PRTFDC1: variants seen among roughly 807,000 people sequenced by gnomAD.
The protein encoded by PRTFDC1 is phosphoribosyltransferase domain-containing protein 1.
PRTFDC1 carries 38 observed loss-of-function variants against 34.6 expected under a neutral mutation model. The observed-to-expected ratio is 1.10, with a 90% CI of 0.85 to 1.44. The LOEUF is 1.44. Among genes scored for constraint, PRTFDC1 ranks in the 40% most tolerant of loss-of-function variants. The pLI is 0.00. For missense variants in PRTFDC1, 270 were observed against 283.0 expected (o/e 0.95, Z 0.33); for synonymous variants, 93 against 98.1 (o/e 0.95, Z 0.31).
chr10:24,915,206 T>C lies in PRTFDC1; in HGVS notation c.339+21978A>G, dbSNP rs1848678295. On this transcript the variant is annotated intron_variant, in intron 3 of 8. Coordinates refer to ENST00000320152, the MANE Select transcript of PRTFDC1 (RefSeq NM_020200.7). ...TGGTATCAAAAATTAGCATGTGATATTGGAATTTGCACCAGATGCGTCTTT... is the reference window on the plus strand; with the variant it reads ...TGGTATCAAAAATTAGCATGTGATACTGGAATTTGCACCAGATGCGTCTTT... Among the ~76,000 whole-genome samples the C allele has an allele frequency of 2.6e-5, 4 of 152,322 alleles. No homozygotes were observed. In the South Asian group the frequency reaches 8.3e-4, roughly 32 times the overall value.
At chr10:24,858,047 G>C (rs1847613966) in intron 5 of PRTFDC1, among the ~76,000 whole-genome samples, 1 of 152,182 alleles carries the variant, frequency 6.6e-6, no homozygotes. Flanking sequence ...AGGGTAAACA[G>C]AGTTCTAACC....
intron 1 of PRTFDC1, chr10:24,951,619 T>C (rs1161039331): frequency 1.9e-5 from 19 of 985,274 alleles, no homozygotes; most frequent in Non-Finnish European, 2.3e-5. Flanking sequence ...TGGAAAGAGA[T>C]GGCAAGTTAG....
intron 3 of PRTFDC1, among the ~76,000 whole-genome samples, chr10:24,930,938 A>G (rs1848962822): frequency 6.6e-6 from 1 of 152,234 alleles, no homozygotes; most frequent in Non-Finnish European, 1.5e-5. Context: ...AATTAGAAAG[A>G]AATAGTAGTA....
At chr10:24,909,861 T>A (rs868139671) in intron 3 of PRTFDC1, among the ~76,000 whole-genome samples, 1 of 151,938 alleles carries the variant, frequency 6.6e-6, no homozygotes, top group South Asian at 2.1e-4. Flanking sequence ...ACGAAATACA[T>A]AAATTTTGGC....
At chr10:24,886,455 T>G (rs1361541148) in intron 3 of PRTFDC1, among the ~76,000 whole-genome samples, 1 of 152,164 alleles carries the variant, frequency 6.6e-6, no homozygotes, top group Non-Finnish European at 1.5e-5. Flanking sequence ...CTCCAAAGCC[T>G]CCACCTGACC....
At chr10:24,865,444 C>T (rs1847758041) in intron 4 of PRTFDC1, among the ~76,000 whole-genome samples, 1 of 152,200 alleles carries the variant, frequency 6.6e-6, no homozygotes, top group African/African-American at 2.4e-5. Context: ...ATCACTGCAT[C>T]TGAGATGTTT....
At chr10:24,904,625 G>A (rs866812783) in intron 3 of PRTFDC1, among the ~76,000 whole-genome samples, 1 of 152,152 alleles carries the variant, frequency 6.6e-6, no homozygotes, top group East Asian at 1.9e-4. Context: ...TAAGGTTCCA[G>A]AGCCTTCTCT....
chr10:24,938,695 A>G (rs1050733692), intron 2 of PRTFDC1, among the ~76,000 whole-genome samples: 4 of 152,314 alleles, frequency 2.6e-5, no homozygotes, highest in Admixed American at 6.5e-5. Flanking sequence ...ACAGGGGCAC[A>G]CAATAAGTTC....
At chr10:24,919,258 C>T (rs971268614) in intron 3 of PRTFDC1, among the ~76,000 whole-genome samples, 2 of 152,090 alleles carry the variant, frequency 1.3e-5, no homozygotes, top group African/African-American at 4.8e-5. Context: ...GTAACCAAAA[C>T]AGCATGGTAC....
chr10:24,946,160 C>T (rs979939261), intron 1 of PRTFDC1, among the ~76,000 whole-genome samples: 1 of 152,044 alleles, frequency 6.6e-6, no homozygotes, highest in African/African-American at 2.4e-5. Context: ...TCCTTTACTG[C>T]CCCCGTTCTG....
At position 24,866,410 on chromosome 10, in the gene PRTFDC1, G is replaced by T. The variant is rs116438400; in HGVS notation, c.405+5588C>A. ...AAAAAACTTATTTGAGGGCAGGTTTGGGGGGCATGTCTCCCAAAATCTTGG... is the reference window on the plus strand; with the variant it reads ...AAAAAACTTATTTGAGGGCAGGTTTTGGGGGCATGTCTCCCAAAATCTTGG... On this transcript the variant is annotated intron_variant, in intron 4 of 8. Transcript: ENST00000320152. Among the ~76,000 whole-genome samples, 265 of 151,236 alleles carry T rather than the reference G, an allele frequency of 1.8e-3. 2 individuals are homozygous for T. Among genetic ancestry groups the T allele is most frequent in the African/African-American group, 5.8e-3 (239 of 41,292 alleles).
chr10:24,875,614 T>C (rs1387439462), intron 3 of PRTFDC1, among the ~76,000 whole-genome samples: 2 of 152,198 alleles, frequency 1.3e-5, no homozygotes, highest in Admixed American at 6.5e-5. Context: ...ATTTATATCT[T>C]CCAAGTGGGT....
At chr10:24,924,961 A>C (rs1410584560) in intron 3 of PRTFDC1, among the ~76,000 whole-genome samples, 2 of 152,232 alleles carry the variant, frequency 1.3e-5, no homozygotes, top group Non-Finnish European at 2.9e-5. Context: ...CAGGGATCCC[A>C]TTACTGGGTA....
chr10:24,884,954 G>C lies in PRTFDC1; in HGVS notation c.340-12891C>G, dbSNP rs573114503. ...GTGCTATTAAGAGCTTCCTGGATCA[G>C]TCCCATCCAGGGTGCAGGAGGGTCC... On this transcript the variant is annotated intron_variant, in intron 3 of 8. Transcript: ENST00000320152. Among the ~76,000 whole-genome samples, 15 of 152,304 alleles carry C rather than the reference G, an allele frequency of 9.8e-5. No individual in the cohort carries two copies. The South Asian group carries it at 3.1e-3, about 32-fold the overall frequency.
chr10:24,859,064 G>C (rs1847630555), intron 4 of PRTFDC1, among the ~76,000 whole-genome samples: 1 of 152,166 alleles, frequency 6.6e-6, no homozygotes, highest in South Asian at 2.1e-4. Flanking sequence ...TCATGTTGAA[G>C]TGTAATTCTC....
chr10:24,852,372 C>T (rs900262523), intron 7 of PRTFDC1, among the ~76,000 whole-genome samples: 3 of 152,048 alleles, frequency 2.0e-5, no homozygotes, highest in African/African-American at 4.8e-5. Flanking sequence ...AGGCCAGTCT[C>T]GAACTCTTGA....
intron 1 of PRTFDC1, among the ~76,000 whole-genome samples, chr10:24,949,735 A>ATTTT (rs758571429): frequency 1.4e-5 from 2 of 140,024 alleles, no homozygotes; most frequent in African/African-American, 5.1e-5. Context: ...TTATTTATTT[A>ATTTT]TTTATTTTTT....
chr10:24,880,276 A>G (rs2132523459), intron 3 of PRTFDC1, among the ~76,000 whole-genome samples: 1 of 149,636 alleles, frequency 6.7e-6, no homozygotes, highest in Middle Eastern at 3.5e-3. Flanking sequence ...TTGTTGAGAC[A>G]GAGTCTTGCA....
intron 3 of PRTFDC1, among the ~76,000 whole-genome samples, chr10:24,936,560 A>G (rs1849054531): frequency 6.6e-6 from 1 of 152,210 alleles, no homozygotes; most frequent in Admixed American, 6.5e-5. Flanking sequence ...TGTTGGGATT[A>G]TATGCATGAG....
Sources: allele counts gnomAD v4.1 joint callset (sites outside exome capture counted in the v4.1 genomes callset), GRCh38; gene constraint gnomAD v4.1.1; transcripts MANE v1.5; gene names NCBI Gene and HGNC (gene_info 2026-07-23, HGNC 2026-07-21).